ADAMTS2: variants seen among roughly 807,000 people sequenced by gnomAD.
ADAMTS2 encodes the protein A disintegrin and metalloproteinase with thrombospondin motifs 2.
In ADAMTS2, 50 loss-of-function variants were observed where a neutral mutation model predicts 123.0. That is an observed-to-expected ratio of 0.41 (90% CI 0.32 to 0.51). The LOEUF is 0.51. ADAMTS2 is among the 20% of genes least tolerant of loss of function. The pLI is 0.35. For synonymous variants in ADAMTS2, 678 were observed against 695.4 expected (o/e 0.98, Z 0.39); for missense variants, 1,494 against 1,705.2 (o/e 0.88, Z 2.18).
At chr5:179,327,136 T>C (rs1237928607) in intron 2 of ADAMTS2, among the ~76,000 whole-genome samples, 1 of 152,174 alleles carries the variant, frequency 6.6e-6, no homozygotes, top group African/African-American at 2.4e-5. Context: ...ACTGGAAATC[T>C]TGAGCTTTGT....
intron 3 of ADAMTS2, among the ~76,000 whole-genome samples, chr5:179,270,139 C>A (rs973648195): frequency 1.4e-4 from 22 of 152,336 alleles, no homozygotes; most frequent in Non-Finnish European, 3.2e-4. Flanking sequence ...AGGCAATCTG[C>A]AATCCAGCAA....
intron 5 of ADAMTS2, among the ~76,000 whole-genome samples, chr5:179,161,571 T>C (rs550232803): frequency 3.9e-5 from 6 of 152,266 alleles, no homozygotes; most frequent in African/African-American, 1.4e-4. Context: ...CTGGTTAACA[T>C]ATCCAAAAGT....
chr5:179,167,214 A>G (rs1763717999), intron 5 of ADAMTS2, among the ~76,000 whole-genome samples: 1 of 149,604 alleles, frequency 6.7e-6, no homozygotes, highest in South Asian at 2.1e-4. Flanking sequence ...CCACAGCCGG[A>G]AAGAGGTCGG....
chr5:179,227,666 G>A (rs1161098662), intron 3 of ADAMTS2, among the ~76,000 whole-genome samples: 1 of 152,182 alleles, frequency 6.6e-6, no homozygotes. Context: ...GACGCTCATG[G>A]GGAGGGCTGA....
chr5:179,152,314 GCCACC>G, intron 9 of ADAMTS2, 59 bp from the exon 10 acceptor site: 1 of 1,531,894 alleles, frequency 6.5e-7, no homozygotes, highest in Non-Finnish European at 9.0e-7. Context: ...TCCCAGGGAT[GCCACC>G]CACCCCCGGG....
chr5:179,114,396 C>A (rs887669980), intron 21 of ADAMTS2, 72 bp from the exon 22 acceptor site: 2 of 1,487,796 alleles, frequency 1.3e-6, no homozygotes, highest in Non-Finnish European at 1.8e-6. Flanking sequence ...CAGGGTGCAG[C>A]TTGCTGGAGG....
chr5:179,275,332 A>T (rs575628071), intron 2 of ADAMTS2, among the ~76,000 whole-genome samples: 1 of 152,070 alleles, frequency 6.6e-6, no homozygotes, highest in East Asian at 1.9e-4. Context: ...AATGGACAGG[A>T]CGTGGTAGGG....
chr5:179,220,490 G>T (rs1421770825), intron 3 of ADAMTS2, among the ~76,000 whole-genome samples: 2 of 152,120 alleles, frequency 1.3e-5, no homozygotes, highest in Non-Finnish European at 2.9e-5. Flanking sequence ...AGGGCCTGCT[G>T]CCTCCTCTGC....
Position 179,344,084 on chromosome 5 carries a change from G to A in ADAMTS2, c.217C>T (p.His73Tyr). 2 of 1,610,832 alleles carry A rather than the reference G, an allele frequency of 1.2e-6. No individual in the cohort carries two copies. The highest frequency in any genetic ancestry group is 1.7e-6 in the Non-Finnish European group (2 of 1,178,788). Residue 73 changes from histidine (H) to tyrosine (Y), a missense_variant, in exon 2 of 22, where the codon CAC becomes TAC. Physicochemically the swap from His to Tyr is moderately conservative, Grantham distance 83. Coordinates refer to ENST00000251582, the MANE Select transcript of ADAMTS2 (RefSeq NM_014244.5). ...CTGGACGTAGCTGCCGACACCACGT[G>A]GGACACCAAGCGGCCCTGGGCGTCA... is the stretch of plus-strand genomic sequence containing the variant. ...RTDAQGRLVSHVVSAATSRAG... is the reference protein window; with the variant it reads ...RTDAQGRLVSYVVSAATSRAG...
intron 2 of ADAMTS2, among the ~76,000 whole-genome samples, chr5:179,299,294 C>T (rs538514710): frequency 2.2e-5 from 3 of 136,998 alleles, no homozygotes; most frequent in Admixed American, 7.6e-5. Context: ...CTTTGGGAGG[C>T]TGAGGCGGGC....
intron 2 of ADAMTS2, among the ~76,000 whole-genome samples, chr5:179,333,598 T>G (rs959362294): frequency 3.7e-5 from 4 of 107,804 alleles, no homozygotes; most frequent in African/African-American, 3.0e-5. Context: ...TTTTTTCTGT[T>G]TTTTTTTTTT....
In ADAMTS2 at chr5:179,130,188, G is replaced by A. The variant is rs1449241590; in HGVS notation, c.2291-90C>T. On this transcript the variant is annotated intron_variant, in intron 15 of 21. Transcript: ENST00000251582. The surrounding 1 kb of genome is among the most constrained non-coding windows in gnomAD (Gnocchi z 4.3). ...TTGGGCTGGTCGGGGAGTGGGGGCA[G>A]CTAGCTGGACCCCTTGTCTCTCTGG... The A allele has an allele frequency of 4.6e-6, 7 of 1,521,408 alleles. No individual in the cohort carries two copies. The Admixed American group carries it at 8.8e-5, about 19-fold the overall frequency. 94.2% of individuals were successfully genotyped at this position (1,521,408 alleles called of 1,614,324 possible).
chr5:179,345,171 G>A lies in ADAMTS2; in HGVS notation c.139+19C>T. ...AGGCCGGCGGGGGTCCCGGGGAGTA[G>A]GGGCCGGGCCGCACCTACCTGGGGG... On this transcript the variant is annotated intron_variant, in intron 1 of 21. Transcript: ENST00000251582. The surrounding 1 kb of genome is among the most constrained non-coding windows in gnomAD (Gnocchi z 7.5). 1 of 1,095,000 alleles carries A rather than the reference G, an allele frequency of 9.1e-7. No homozygotes were observed. The highest frequency in any genetic ancestry group is 1.1e-6 in the Non-Finnish European group (1 of 903,060). The allele number at this position is 1,095,000 out of a possible 1,614,324, so 67.8% of individuals were successfully genotyped here.
chr5:179,296,277 G>T (rs909171563), intron 2 of ADAMTS2, among the ~76,000 whole-genome samples: 1 of 150,256 alleles, frequency 6.7e-6, no homozygotes, highest in Non-Finnish European at 1.5e-5. Context: ...GATGGGACCC[G>T]GGAGCAGCCG....
intron 4 of ADAMTS2, among the ~76,000 whole-genome samples, chr5:179,186,446 T>A (rs1029938083): frequency 6.6e-6 from 1 of 152,146 alleles, no homozygotes; most frequent in African/African-American, 2.4e-5. Context: ...TGCTCCACAG[T>A]GTCCTTGTCC....
intron 5 of ADAMTS2, among the ~76,000 whole-genome samples, chr5:179,163,197 A>G (rs1377216848): frequency 6.6e-6 from 1 of 152,200 alleles, no homozygotes; most frequent in African/African-American, 2.4e-5. Flanking sequence ...CCAAGCGCCT[A>G]CAGGAGCAAG....
chr5:179,314,974 G>A lies in ADAMTS2; in HGVS notation c.534+28793C>T, dbSNP rs375357018. ...CCAGAGCCTAATCACAGCCAGCTACGCCCCCTTCTCCCAGTTATTCAAGCC... is the reference window on the plus strand; with the variant it reads ...CCAGAGCCTAATCACAGCCAGCTACACCCCCTTCTCCCAGTTATTCAAGCC... On this transcript the variant is annotated intron_variant, in intron 2 of 21. Coordinates refer to ENST00000251582, the MANE Select transcript of ADAMTS2 (RefSeq NM_014244.5). This position sits in a 1 kb window ranked among gnomAD's most constrained non-coding sequence, Gnocchi z 4.5. 1.3e-4 allele frequency among the ~76,000 whole-genome samples: 20 copies of A among 152,030 alleles called. No individual in the cohort carries two copies. In the East Asian group the frequency reaches 2.9e-3, roughly 22 times the overall value.
At chr5:179,122,835 T>C (rs1762788953) in intron 19 of ADAMTS2, 62 bp from the exon 20 acceptor site, 2 of 1,548,260 alleles carry the variant, frequency 1.3e-6, no homozygotes. Flanking sequence ...CTGGCAGAGC[T>C]GGAGGAGCCC....
At chr5:179,295,963 C>T (rs1756318619) in intron 2 of ADAMTS2, among the ~76,000 whole-genome samples, 1 of 152,226 alleles carries the variant, frequency 6.6e-6, no homozygotes, top group African/African-American at 2.4e-5. Context: ...ACCCAGGACG[C>T]CCCACTGCAG....
Sources: gnomAD v4.1 joint callset for allele counts (sites outside exome capture counted in the v4.1 genomes callset) on GRCh38, gnomAD v4.1.1 for gene constraint, Gnocchi (gnomAD v3.1) non-coding constraint, MANE v1.5 for transcripts, NCBI Gene and HGNC (gene_info 2026-07-23, HGNC 2026-07-21) for gene names.